The following PATL2 variants were observed in gnomAD, a reference collection of about 807,000 sequenced individuals.
PATL2 encodes the protein protein PAT1 homolog 2.
In PATL2, 73 loss-of-function variants were observed where a neutral mutation model predicts 77.0. That is an observed-to-expected ratio of 0.95 (90% CI 0.78 to 1.15). The LOEUF (loss-of-function observed/expected upper bound fraction) is 1.15. Ranked by LOEUF, PATL2 falls within the 50% of genes most tolerant of loss-of-function variation. The probability of loss-of-function intolerance (pLI) is 0.00; values close to 1 mark genes in which losing one functional copy is unlikely to be tolerated. For synonymous variants in PATL2, 265 were observed against 257.1 expected (o/e 1.03, Z -0.29); for missense variants, 618 against 655.4 (o/e 0.94, Z 0.62).
Position 44,689,737 on chromosome 15 carries a change from C to G in PATL2, c.-75-13172G>C, listed in dbSNP as rs1460235475. On this transcript the variant is annotated intron_variant, in intron 3 of 17. Transcript: ENST00000682850. Reference sequence around the variant, plus strand: ...GGGGTGGGGGACTAGGGGAGGGATACCATTAGGAGAAATACCTAATGTAGA... The same window carrying G: ...GGGGTGGGGGACTAGGGGAGGGATAGCATTAGGAGAAATACCTAATGTAGA... Among the ~76,000 whole-genome samples the G allele has an allele frequency of 3.3e-5, 5 of 152,108 alleles. No individual in the cohort carries two copies. In the East Asian group the frequency reaches 9.7e-4, roughly 29 times the overall value.
intron 15 of PATL2, among the ~76,000 whole-genome samples, chr15:44,667,712 G>A (rs1411477812): frequency 2.0e-5 from 3 of 152,218 alleles, no homozygotes; most frequent in Admixed American, 6.5e-5. Flanking sequence ...GGAGGCCGAG[G>A]CAGGCGAATC....
chr15:44,699,109 A>G (rs1173565946), intron 3 of PATL2, among the ~76,000 whole-genome samples: 1 of 152,044 alleles, frequency 6.6e-6, no homozygotes, highest in Non-Finnish European at 1.5e-5. Context: ...TTTTTTTCCT[A>G]TAGAGTTGTT....
At chr15:44,682,398 T>C (rs146422754) in intron 3 of PATL2, among the ~76,000 whole-genome samples, 1 of 152,312 alleles carries the variant, frequency 6.6e-6, no homozygotes, top group Non-Finnish European at 1.5e-5. Context: ...CGTCATTCTG[T>C]TTCTAAATTT....
intron 3 of PATL2, among the ~76,000 whole-genome samples, chr15:44,677,654 T>C (rs2086017955): frequency 6.6e-6 from 1 of 152,120 alleles, no homozygotes; most frequent in South Asian, 2.1e-4. Context: ...TTGTAGAACT[T>C]CTGAATAAGA....
At chr15:44,700,734 C>T (rs979730056) in intron 3 of PATL2, among the ~76,000 whole-genome samples, 1 of 152,186 alleles carries the variant, frequency 6.6e-6, no homozygotes, top group African/African-American at 2.4e-5. Flanking sequence ...TGACTTCTTC[C>T]TTTCCAGTTT....
Position 44,672,448 on chromosome 15 carries a change from G to A in PATL2, c.455C>T (p.Thr152Ile). The change falls in exon 8 of 18, where the codon ACC becomes ATC. Residue 152 changes from threonine to isoleucine, a missense_variant. Physicochemically the swap from Thr to Ile is moderately conservative, Grantham distance 89 (BLOSUM62 -1). Transcript: ENST00000682850. ...TCGTTGGTGCCGAGGGTGGAGCTGG[G>A]TCAGATGACTGGGAAGACAAGAAGT... ...TSWPPRFSHL[T>I]QLHPRHQRIL... 1.3e-6 allele frequency: 2 copies of A among 1,551,628 alleles called. No homozygotes were observed. Among genetic ancestry groups the A allele is most frequent in the Non-Finnish European group, 1.7e-6 (2 of 1,146,932 alleles).
At chr15:44,676,834 G>C in intron 3 of PATL2, 1 of 1,125,904 alleles carries the variant, frequency 8.9e-7, no homozygotes, top group Non-Finnish European at 1.1e-6. Flanking sequence ...GTCACCGTCC[G>C]AGTGTGGTGA....
chr15:44,672,343 A>G (rs2085729610), intron 8 of PATL2, 45 bp downstream of exon 8: 1 of 1,539,152 alleles, frequency 6.5e-7, no homozygotes, highest in Non-Finnish European at 8.8e-7. Flanking sequence ...GAGACCCGGC[A>G]TGCAAATGGG....
chr15:44,703,811 T>C (rs759495746), intron 3 of PATL2, among the ~76,000 whole-genome samples: 2 of 148,942 alleles, frequency 1.3e-5, no homozygotes, highest in Admixed American at 6.8e-5. Flanking sequence ...TTAGATTCAA[T>C]GTTATTATTG....
chr15:44,690,310 C>A (rs576946961), intron 3 of PATL2, among the ~76,000 whole-genome samples: 90 of 151,788 alleles, frequency 5.9e-4, no homozygotes, highest in African/African-American at 2.1e-3. Context: ...TGCTGAGTGG[C>A]AAATATAAAA....
intron 3 of PATL2, among the ~76,000 whole-genome samples, chr15:44,704,447 C>T (rs1217302127): frequency 6.6e-6 from 1 of 152,134 alleles, no homozygotes; most frequent in Non-Finnish European, 1.5e-5. Flanking sequence ...AAACTTACCA[C>T]TGATTACATA....
At chr15:44,668,311 T>A (rs762462405) in intron 15 of PATL2, 31 bp downstream of exon 15, 10 of 1,543,274 alleles carry the variant, frequency 6.5e-6, no homozygotes, top group Non-Finnish European at 8.7e-6. Flanking sequence ...CTGAAAGCCA[T>A]CTATGGAAAA....
chr15:44,673,450 C>CTGAGCTACCTG (rs1031242242), intron 6 of PATL2, 73 bp from the exon 7 acceptor site: 55 of 1,512,110 alleles, frequency 3.6e-5, no homozygotes, highest in Admixed American at 2.2e-4. Context: ...TGTGAGGGCT[C>CTGAGCTACCTG]AGTTCCTTTC....
chr15:44,691,348 G>A (rs916034874), intron 3 of PATL2, among the ~76,000 whole-genome samples: 1 of 152,062 alleles, frequency 6.6e-6, no homozygotes, highest in Non-Finnish European at 1.5e-5. Context: ...GAAACTTCTA[G>A]GCAGGAGAAA....
intron 3 of PATL2, among the ~76,000 whole-genome samples, chr15:44,696,430 C>A (rs1047431975): frequency 1.1e-4 from 17 of 152,122 alleles, no homozygotes; most frequent in Non-Finnish European, 1.9e-4. Context: ...ATGGTTATTA[C>A]TGGGAGAGGA....
rs146861394 is a variant in PATL2 at position 44,670,877 on chromosome 15, A to G, written c.658-790T>C. Among the ~76,000 whole-genome samples the G allele has an allele frequency of 4.1e-3, 632 of 152,342 alleles. 3 individuals are homozygous for G. Among genetic ancestry groups the G allele is most frequent in the Middle Eastern group, 0.014 (4 of 294 alleles). The stretch of plus-strand genomic sequence containing the variant: ...CAGAGGTTTAAGCACAGAACTAGCT[A>G]TAGGGAAGTGTTTGTCAGTTGCCCT... On this transcript the variant is annotated intron_variant, in intron 9 of 17. Coordinates refer to ENST00000682850, the MANE Select transcript of PATL2 (RefSeq NM_001387263.1).
intron 15 of PATL2, among the ~76,000 whole-genome samples, chr15:44,667,568 G>A (rs2085444381): frequency 6.6e-6 from 1 of 152,192 alleles, no homozygotes; most frequent in South Asian, 2.1e-4. Flanking sequence ...GCATACATGA[G>A]ATAACCCACT....
At chr15:44,688,953 A>T (rs775251671) in intron 3 of PATL2, among the ~76,000 whole-genome samples, 1 of 152,238 alleles carries the variant, frequency 6.6e-6, no homozygotes, top group Non-Finnish European at 1.5e-5. Flanking sequence ...AATGTTTGCA[A>T]TCTATCCATC....
chr15:44,680,458 T>G (rs1005849957), intron 3 of PATL2, among the ~76,000 whole-genome samples: 1 of 152,134 alleles, frequency 6.6e-6, no homozygotes, highest in Non-Finnish European at 1.5e-5. Context: ...AATTCATACT[T>G]GGAGGAAATT....
Sources: allele counts gnomAD v4.1 joint callset (sites outside exome capture counted in the v4.1 genomes callset), GRCh38; gene constraint gnomAD v4.1.1; transcripts MANE v1.5; gene names NCBI Gene and HGNC (gene_info 2026-07-23, HGNC 2026-07-21).